CSMD1: variants seen among roughly 807,000 people sequenced by gnomAD.
CSMD1 encodes CUB and sushi domain-containing protein 1.
In CSMD1, 213 loss-of-function variants were observed where a neutral mutation model predicts 417.5. The observed-to-expected ratio is 0.51, with a 90% CI of 0.46 to 0.57. The LOEUF is 0.57. CSMD1 is among the 20% of genes least tolerant of loss of function. The probability of loss-of-function intolerance (pLI) is 0.00; values close to 1 mark genes in which losing one functional copy is unlikely to be tolerated. For synonymous variants in CSMD1, 2,862 were observed against 1,736.8 expected (o/e 1.65, Z -16.11); for missense variants, 6,923 against 4,529.7 (o/e 1.53, Z -15.17).
intron 26 of CSMD1, among the ~76,000 whole-genome samples, chr8:3,270,783 G>C (rs1393991606): frequency 6.6e-6 from 1 of 152,134 alleles, no homozygotes; most frequent in Non-Finnish European, 1.5e-5. Context: ...TCATGCTGCT[G>C]ATAAAGACAT....
At chr8:3,298,711 C>T (rs1024922629) in intron 25 of CSMD1, among the ~76,000 whole-genome samples, 5 of 152,214 alleles carry the variant, frequency 3.3e-5, no homozygotes, top group African/African-American at 1.2e-4. Flanking sequence ...GCCTCAGCCT[C>T]CCAAAGTGCT....
At chr8:3,712,544 G>C (rs1297165769) in intron 6 of CSMD1, among the ~76,000 whole-genome samples, 1 of 152,136 alleles carries the variant, frequency 6.6e-6, no homozygotes, top group Non-Finnish European at 1.5e-5. Flanking sequence ...TTAAACTATT[G>C]AGTCATTCAT....
intron 3 of CSMD1, among the ~76,000 whole-genome samples, chr8:4,103,269 A>ATATATATG (rs1421154032): frequency 6.6e-6 from 1 of 150,920 alleles, no homozygotes; most frequent in African/African-American, 2.4e-5. Context: ...CATACATTAT[A>ATATATATG]TATATCATAC....
At chr8:3,147,779 A>C (rs1295755880) in intron 40 of CSMD1, among the ~76,000 whole-genome samples, 1 of 152,214 alleles carries the variant, frequency 6.6e-6, no homozygotes, top group Non-Finnish European at 1.5e-5. Flanking sequence ...CAAAGGAAAT[A>C]TTGTTTAACA....
At chr8:4,955,458 T>C (rs1424662952) in intron 1 of CSMD1, among the ~76,000 whole-genome samples, 2 of 89,470 alleles carry the variant, frequency 2.2e-5, no homozygotes, top group East Asian at 5.5e-4. Context: ...TCACCTCTCT[T>C]TTTTTTTTTT....
At chr8:4,309,749 T>C (rs1272296712) in intron 3 of CSMD1, among the ~76,000 whole-genome samples, 1 of 152,122 alleles carries the variant, frequency 6.6e-6, no homozygotes, top group Non-Finnish European at 1.5e-5. Flanking sequence ...TCACAGTCTA[T>C]TGATATTAAC....
rs1031613667 is a variant in CSMD1, at chr8:2,937,946, T to A, written c.*639A>T. The A allele has an allele frequency of 6.6e-6, 1 of 152,638 alleles. No individual in the cohort carries two copies. The highest frequency in any genetic ancestry group is 2.4e-5 in the African/African-American group (1 of 41,448). The allele number at this position is 152,638 out of a possible 1,614,324, so 9.5% of individuals were successfully genotyped here. ...ACACACTAGTGCAAAAAATTGTGCATTAAACATTCTGCGACAGAACAGCTG... is the reference window on the plus strand; with the variant it reads ...ACACACTAGTGCAAAAAATTGTGCAATAAACATTCTGCGACAGAACAGCTG... On this transcript the variant is annotated 3_prime_UTR_variant, in exon 70 of 70. Transcript: ENST00000635120.
intron 3 of CSMD1, among the ~76,000 whole-genome samples, chr8:4,118,821 A>G (rs1481620623): frequency 6.6e-6 from 1 of 152,238 alleles, no homozygotes; most frequent in Non-Finnish European, 1.5e-5. Flanking sequence ...TATTCACAAT[A>G]GCAAAGACTT....
intron 2 of CSMD1, among the ~76,000 whole-genome samples, chr8:4,518,275 C>T (rs1210751092): frequency 3.9e-5 from 6 of 152,086 alleles, no homozygotes; most frequent in African/African-American, 1.2e-4. Context: ...CAGCATCCGA[C>T]GCCCAGCAGC....
chr8:3,961,012 T>A (rs1216081746), intron 5 of CSMD1, among the ~76,000 whole-genome samples: 1 of 151,934 alleles, frequency 6.6e-6, no homozygotes, highest in Non-Finnish European at 1.5e-5. Context: ...AAATTATAAA[T>A]TGTACAATTC....
intron 12 of CSMD1, among the ~76,000 whole-genome samples, chr8:3,410,817 C>A (rs557233073): frequency 9.9e-5 from 15 of 152,234 alleles, no homozygotes; most frequent in African/African-American, 2.4e-5. Context: ...TAGCTCACTG[C>A]AACTTCCAAC....
At chr8:4,828,290 A>C (rs745530999) in intron 1 of CSMD1, among the ~76,000 whole-genome samples, 55 of 152,322 alleles carry the variant, frequency 3.6e-4, no homozygotes, top group African/African-American at 1.3e-3. Context: ...CTTCAATGAA[A>C]ATTATGTCAA....
At chr8:4,202,395 C>G (rs1458445017) in intron 3 of CSMD1, among the ~76,000 whole-genome samples, 1 of 152,118 alleles carries the variant, frequency 6.6e-6, no homozygotes, top group East Asian at 1.9e-4. Context: ...ACAGTTCATT[C>G]TTAAGCTTTT....
intron 22 of CSMD1, among the ~76,000 whole-genome samples, chr8:3,347,529 A>T (rs1808095135): frequency 1.3e-5 from 2 of 152,268 alleles, no homozygotes; most frequent in African/African-American, 4.8e-5. Context: ...CCAGCTTTCC[A>T]CAGTATGACC....
intron 51 of CSMD1, among the ~76,000 whole-genome samples, chr8:3,020,777 C>T (rs1305031529): frequency 6.6e-6 from 1 of 152,104 alleles, no homozygotes; most frequent in Admixed American, 6.6e-5. Context: ...AGGTCCAACT[C>T]GAGAGTCCAT....
intron 1 of CSMD1, among the ~76,000 whole-genome samples, chr8:4,732,089 C>G (rs901705953): frequency 6.6e-6 from 1 of 152,062 alleles, no homozygotes; most frequent in Non-Finnish European, 1.5e-5. Context: ...CCAACAGTCC[C>G]GCATCCTTAT....
Position 2,998,902 on chromosome 8 carries a change from C to T in CSMD1, c.8204-718G>A, listed in dbSNP as rs1807147593. Among the ~76,000 whole-genome samples the T allele has an allele frequency of 1.3e-5, 2 of 152,104 alleles. 1 individual carries two copies. The highest frequency in any genetic ancestry group is 1.3e-4 in the Admixed American group (2 of 15,276). On this transcript the variant is annotated intron_variant, in intron 53 of 69. Transcript: ENST00000635120. ...TTTTTCCTATAAGTAAAGCTTTTAC[C>T]CGTGAACTTTGTACATTTTTCACAT...
chr8:3,652,654 G>C (rs1797917170), intron 7 of CSMD1, among the ~76,000 whole-genome samples: 1 of 152,142 alleles, frequency 6.6e-6, no homozygotes, highest in South Asian at 2.1e-4. Flanking sequence ...GATCTCGTGA[G>C]ACTTATTCAC....
At chr8:4,427,554 T>C (rs1242531171) in intron 2 of CSMD1, among the ~76,000 whole-genome samples, 3 of 152,042 alleles carry the variant, frequency 2.0e-5, no homozygotes, top group Non-Finnish European at 4.4e-5. Context: ...TGAGTATATA[T>C]ACATCTTACC....
Sources: gnomAD v4.1 joint callset for allele counts (sites outside exome capture counted in the v4.1 genomes callset) on GRCh38, gnomAD v4.1.1 for gene constraint, MANE v1.5 for transcripts, NCBI Gene and HGNC (gene_info 2026-07-23, HGNC 2026-07-21) for gene names.